Variants in HPS5 observed in about 807,000 individuals in gnomAD.
HPS5 encodes the protein BLOC-2 complex member HPS5.
In HPS5, 83 loss-of-function variants were observed where a neutral mutation model predicts 128.0. The ratio of observed to expected loss-of-function variants is 0.65; its 90% CI spans 0.54 to 0.78. HPS5 has a LOEUF of 0.78. HPS5 is among the 30% of genes least tolerant of loss of function. HPS5 has a pLI of 0.00. For synonymous variants in HPS5, 475 were observed against 470.2 expected, an observed-to-expected ratio of 1.01 and a Z score of -0.13; for missense variants, 1,281 against 1,326.2, an observed-to-expected ratio of 0.97 and a Z score of 0.53.
chr11:18,307,916 T>C (rs958434889), intron 6 of HPS5, among the ~76,000 whole-genome samples: 2 of 152,232 alleles, frequency 1.3e-5, no homozygotes, highest in Non-Finnish European at 2.9e-5. Context: ...TCTATGATAC[T>C]GTCATCCAAC....
At chr11:18,281,558 C>T (rs533335524) in intron 22 of HPS5, among the ~76,000 whole-genome samples, 84 of 127,498 alleles carry the variant, frequency 6.6e-4, no homozygotes, top group African/African-American at 2.6e-3. Flanking sequence ...TGCCACCACA[C>T]CCAGCTAATT....
chr11:18,305,147 G>GT (rs1862203296), intron 8 of HPS5, among the ~76,000 whole-genome samples: 1 of 152,186 alleles, frequency 6.6e-6, no homozygotes, highest in Admixed American at 6.5e-5. Flanking sequence ...GGTAGGAGAG[G>GT]TTATGAGGCG....
In HPS5 at chr11:18,282,167, T is replaced by C. The variant is rs750283507; in HGVS notation, c.3112A>G (p.Ser1038Gly). 6.2e-7 allele frequency: 1 copy of C among 1,614,200 alleles called. No individual in the cohort carries two copies. The highest frequency in any genetic ancestry group is 1.1e-5 in the South Asian group (1 of 91,088). The change falls in exon 22 of 23, where the codon AGC becomes GGC. Residue 1038 changes from serine (S) to glycine (G), a missense_variant. Transcript: ENST00000349215. ...TGGGGGGCTGGCCTCGTGCTCTTGC[T>C]CTGTATGAGATGAAGGAGAAGCTTC... Reference protein sequence around the residue: ...EWKLLLHLIQSKSTRPAPQES... With the variant: ...EWKLLLHLIQGKSTRPAPQES...
At chr11:18,294,902 C>A (rs1860868090) in intron 14 of HPS5, 118 bp downstream of exon 14, 2 of 1,023,248 alleles carry the variant, frequency 2.0e-6, no homozygotes, top group Non-Finnish European at 3.0e-6. Context: ...ACGTTCAAAG[C>A]CGTCCTGGAA....
At chr11:18,320,181 G>A (rs1283544147) in intron 1 of HPS5, among the ~76,000 whole-genome samples, 1 of 152,200 alleles carries the variant, frequency 6.6e-6, no homozygotes, top group Non-Finnish European at 1.5e-5. Context: ...AGAAGCTGCT[G>A]AATGACAGTG....
chr11:18,321,270 A>G (rs1461002439), intron 1 of HPS5, among the ~76,000 whole-genome samples: 1 of 152,088 alleles, frequency 6.6e-6, no homozygotes, highest in Admixed American at 6.5e-5. Context: ...CTATTCTCCA[A>G]CTACATTGGA....
chr11:18,289,289 G>C (rs1454659984), intron 16 of HPS5, among the ~76,000 whole-genome samples: 1 of 152,136 alleles, frequency 6.6e-6, no homozygotes, highest in Non-Finnish European at 1.5e-5. Flanking sequence ...CAGAGGTTTG[G>C]GGAAGCCTGA....
In HPS5 at chr11:18,310,790, T is replaced by C; in HGVS notation, c.428A>G (p.His143Arg). 5 of 1,614,202 alleles carry C rather than the reference T, an allele frequency of 3.1e-6. No homozygotes were observed. The highest frequency in any genetic ancestry group is 3.4e-6 in the Non-Finnish European group (4 of 1,180,016). Residue 143 changes from histidine to arginine, a missense_variant, in exon 5 of 23, where the codon CAT (histidine) becomes CGT (arginine). His to Arg is a conservative substitution (Grantham distance 29, BLOSUM62 0). Transcript: ENST00000349215. ...TTTGATAGCAGAAACCTTCCCAGCA[T>C]GATCACCTACAAAAACTCTAAGAAT... ...TAILRVFVGD[H>R]AGKVSAIKLN...
Position 18,296,922 on chromosome 11 carries a change from C to T in HPS5, c.1386G>A (p.Gln462=), listed in dbSNP as rs1365092448. 1.2e-6 allele frequency: 2 copies of T among 1,610,758 alleles called. No individual in the cohort carries two copies. Among genetic ancestry groups the T allele is most frequent in the East Asian group, 2.2e-5 (1 of 44,864 alleles). Residue 462 remains glutamine, a synonymous_variant, in exon 12 of 23, where the codon CAG becomes CAA. Transcript: ENST00000349215. ...YRIISSRRGS[Q]SDEDSCSLHS... ...GAAGGGAGCAAGAGTCTTCATCTGA[C>T]TGACTGCCTCTTCTACTACTAATGA...
At chr11:18,283,750 T>A in intron 21 of HPS5, 45 bp downstream of exon 21, 1 of 1,416,034 alleles carries the variant, frequency 7.1e-7, no homozygotes. Flanking sequence ...CTGGAGTAAC[T>A]TCTAAAAATT....
chr11:18,285,200 T>C (rs967138302), intron 20 of HPS5, 146 bp downstream of exon 20: 2 of 561,566 alleles, frequency 3.6e-6, no homozygotes, highest in African/African-American at 3.8e-5. Flanking sequence ...ATGTTTAATT[T>C]ACTATCACTT....
At position 18,279,066 on chromosome 11, in the gene HPS5, T is replaced by C. The variant is rs1858560328; in HGVS notation, c.*816A>G. ...GGAAAAATATTTTTAATTAGCTTAA[T>C]TTATATATGAAGATATTTTATTTAA... On this transcript the variant is annotated 3_prime_UTR_variant, in exon 23 of 23. Coordinates refer to ENST00000349215, the MANE Select transcript of HPS5 (RefSeq NM_181507.2). 1 of 152,248 alleles carries C rather than the reference T, an allele frequency of 6.6e-6. No individual in the cohort carries two copies. Among genetic ancestry groups the C allele is most frequent in the Non-Finnish European group, 1.5e-5 (1 of 68,040 alleles). The allele number at this position is 152,248 out of a possible 1,614,324, so 9.4% of individuals were successfully genotyped here.
intron 14 of HPS5, among the ~76,000 whole-genome samples, chr11:18,293,224 A>G (rs1380112019): frequency 1.3e-5 from 2 of 151,918 alleles, no homozygotes; most frequent in African/African-American, 4.8e-5. Flanking sequence ...GCTGGAGTGC[A>G]GTGGCATGAT....
At chr11:18,294,942 C>T in intron 14 of HPS5, 78 bp downstream of exon 14, 1 of 1,516,366 alleles carries the variant, frequency 6.6e-7, no homozygotes. Flanking sequence ...ACAGGCTGCA[C>T]AAGGTTGGTC....
intron 19 of HPS5, among the ~76,000 whole-genome samples, chr11:18,285,857 A>G (rs779676593): frequency 6.6e-6 from 1 of 152,104 alleles, no homozygotes; most frequent in Non-Finnish European, 1.5e-5. Flanking sequence ...CTTTAATTTT[A>G]TTTTATTTTT....
chr11:18,285,286 A>C, intron 20 of HPS5, 60 bp downstream of exon 20: 1 of 1,034,514 alleles, frequency 9.7e-7, no homozygotes, highest in Non-Finnish European at 1.5e-6. Context: ...CCTTAACTAT[A>C]AAGTTGTTAA....
chr11:18,316,990 C>T (rs1355116821), intron 2 of HPS5, among the ~76,000 whole-genome samples: 1 of 152,004 alleles, frequency 6.6e-6, no homozygotes. Flanking sequence ...GTCAGGAGAT[C>T]GAGACCATCC....
upstream of HPS5, chr11:18,322,154 G>C (rs113977999): frequency 5.3e-5 from 8 of 152,380 alleles, no homozygotes; most frequent in African/African-American, 1.7e-4. Flanking sequence ...AGCGGAACGT[G>C]AACTTCAGTC....
chr11:18,280,764 T>C (rs1000185204), intron 22 of HPS5: 3 of 479,862 alleles, frequency 6.3e-6, no homozygotes, highest in African/African-American at 2.0e-5. Flanking sequence ...TAGGATGCTA[T>C]GCTCAGTGAA....
Sources: gnomAD v4.1 joint callset for allele counts (sites outside exome capture counted in the v4.1 genomes callset) on GRCh38, gnomAD v4.1.1 for gene constraint, MANE v1.5 for transcripts, NCBI Gene and HGNC (gene_info 2026-07-23, HGNC 2026-07-21) for gene names.